Variants in ANKRD31 observed in about 807,000 individuals in gnomAD.
ANKRD31 encodes the protein ankyrin repeat domain 31.
Under a neutral mutation model 186.0 loss-of-function variants are expected in ANKRD31, and 147 were observed. The ratio of observed to expected loss-of-function variants is 0.79; its 90% CI spans 0.69 to 0.91. The LOEUF (loss-of-function observed/expected upper bound fraction) is 0.91, where lower values mean the gene tolerates loss of function less well. Ranked by LOEUF, ANKRD31 falls within the 40% of genes least tolerant of loss-of-function variation. ANKRD31 has a pLI of 0.00. For missense variants in ANKRD31, 1,986 were observed against 2,148.8 expected (o/e 0.92, Z 1.50); for synonymous variants, 673 against 736.4 (o/e 0.91, Z 1.39).
At chr5:75,140,582 C>T (rs1478005777) in intron 15 of ANKRD31, among the ~76,000 whole-genome samples, 1 of 152,174 alleles carries the variant, frequency 6.6e-6, no homozygotes, top group Non-Finnish European at 1.5e-5. Flanking sequence ...GAATAGCTTG[C>T]TTCTAACCAA....
chr5:75,188,561 T>G lies in ANKRD31; in HGVS notation c.1496A>C (p.His499Pro). ...ATGATGAACAAGATCAGCATCATCG[T>G]GTAGAGCAGCCTTATATACTAAGTT... ...GENLVYKAAL[H>P]DDADLVHHCI... Residue 499 changes from histidine to proline, a missense_variant, in exon 10 of 26, where the codon CAC (histidine) becomes CCC (proline). His to Pro is a moderately conservative substitution (Grantham distance 77). Transcript: ENST00000506364. 2.6e-6 allele frequency: 4 copies of G among 1,536,688 alleles called. No individual in the cohort carries two copies. The highest frequency in any genetic ancestry group is 1.2e-5 in the South Asian group (1 of 83,992).
rs1281904948 is a variant in ANKRD31 at position 75,196,185 on chromosome 5, T to C, written c.463A>G (p.Arg155Gly). 6.8e-7 allele frequency: 1 copy of C among 1,478,226 alleles called. No individual in the cohort carries two copies. The highest frequency in any genetic ancestry group is 1.4e-5 in the African/African-American group (1 of 70,782). 91.6% of individuals were successfully genotyped at this position (1,478,226 alleles called of 1,614,324 possible). A position where few individuals can be genotyped will look rare whatever the true frequency, so the allele number is the denominator to read the frequency against. ...AGAAGGCTAACTTCAGGAGAATCTC[T>C]GCCTTCACTTAGTTCCTGTGTATTA... ...PHIEKELSEG[R>G]DSPEVSLLSG... Residue 155 changes from arginine to glycine, a missense_variant, in exon 7 of 26, where the codon AGA becomes GGA. Physicochemically the swap from Arg to Gly is moderately radical, Grantham distance 125. Coordinates refer to ENST00000506364, the MANE Select transcript of ANKRD31 (RefSeq NM_001372053.1).
Position 75,193,605 on chromosome 5 carries a change from A to C in ANKRD31, c.1018-14T>G. On this transcript the variant is annotated splice_polypyrimidine_tract_variant and intron_variant, in intron 7 of 25. Transcript: ENST00000506364. ...GTCTTGCAGAGTCTGCAAATACGTA[A>C]ATACATCCACAAAAAATTACAACAC... 1 of 1,510,808 alleles carries C rather than the reference A, an allele frequency of 6.6e-7. No individual in the cohort carries two copies. The allele number at this position is 1,510,808 out of a possible 1,614,324, so 93.6% of individuals were successfully genotyped here.
Position 75,068,352 on chromosome 5 carries a change from A to G in ANKRD31, c.*167T>C. On this transcript the variant is annotated 3_prime_UTR_variant, in exon 26 of 26. Transcript: ENST00000506364. ...AATGGCAAAAAAGCATTAATCTTAT[A>G]TAATTGTTGAACAGTTACATACATC... is the stretch of plus-strand genomic sequence containing the variant. The G allele has an allele frequency of 1.8e-6, 1 of 561,110 alleles. No homozygotes were observed. Among genetic ancestry groups the G allele is most frequent in the Non-Finnish European group, 2.7e-6 (1 of 369,734 alleles). The allele number at this position is 561,110 out of a possible 1,614,324, so 34.8% of individuals were successfully genotyped here. A position where few individuals can be genotyped will look rare whatever the true frequency, so the allele number is the denominator to read the frequency against.
intron 15 of ANKRD31, among the ~76,000 whole-genome samples, chr5:75,143,292 T>C (rs1229097768): frequency 1.3e-5 from 2 of 152,266 alleles, no homozygotes; most frequent in Admixed American, 6.5e-5. Context: ...AAGAAGGTAA[T>C]AGGCATGCTT....
At position 75,072,662 on chromosome 5, in the gene ANKRD31, G is replaced by C. The variant is rs575998581; in HGVS notation, c.5648-3998C>G. ...ACTTTTGAACTCTAAGAAGTAGATGGGATATTTCTGCAAAGACCACTAAGT... is the reference window on the plus strand; with the variant it reads ...ACTTTTGAACTCTAAGAAGTAGATGCGATATTTCTGCAAAGACCACTAAGT... On this transcript the variant is annotated intron_variant, in intron 25 of 25. Coordinates refer to ENST00000506364, the MANE Select transcript of ANKRD31 (RefSeq NM_001372053.1). Among the ~76,000 whole-genome samples the C allele has an allele frequency of 5.3e-5, 8 of 152,230 alleles. No homozygotes were observed. The East Asian group carries it at 1.5e-3, about 29-fold the overall frequency.
intron 17 of ANKRD31, among the ~76,000 whole-genome samples, chr5:75,128,482 T>C (rs1749442654): frequency 6.6e-6 from 1 of 151,408 alleles, no homozygotes; most frequent in Non-Finnish European, 1.5e-5. Context: ...TTGATCATTA[T>C]TTAAGTGGTT....
chr5:75,121,984 A>C (rs1416981569), intron 17 of ANKRD31, among the ~76,000 whole-genome samples: 2 of 152,130 alleles, frequency 1.3e-5, no homozygotes, highest in East Asian at 3.9e-4. Flanking sequence ...TGATATGGAG[A>C]CCAAACCAAA....
At chr5:75,070,393 G>A (rs1744129438) in intron 25 of ANKRD31, among the ~76,000 whole-genome samples, 1 of 152,086 alleles carries the variant, frequency 6.6e-6, no homozygotes, top group Admixed American at 6.6e-5. Flanking sequence ...AAAACTTAAT[G>A]CATCTACCAT....
chr5:75,215,404 T>C (rs1470441678), intron 3 of ANKRD31, among the ~76,000 whole-genome samples: 1 of 152,188 alleles, frequency 6.6e-6, no homozygotes, highest in Non-Finnish European at 1.5e-5. Flanking sequence ...TGAACCATCA[T>C]GCCCCCCTAA....
chr5:75,114,630 C>A lies in ANKRD31; in HGVS notation c.4155+1936G>T, dbSNP rs538347826. ...CACCAACAACAGACAAACAGAGAGC[C>A]AAATCATGAGTGAACTCCCATTCAC... On this transcript the variant is annotated intron_variant, in intron 19 of 25. Transcript: ENST00000506364. 8.5e-5 allele frequency among the ~76,000 whole-genome samples: 13 copies of A among 152,092 alleles called. No individual in the cohort carries two copies. The East Asian group carries it at 2.5e-3, about 29-fold the overall frequency.
intron 5 of ANKRD31, among the ~76,000 whole-genome samples, chr5:75,205,731 C>A (rs1756135690): frequency 6.6e-6 from 1 of 152,004 alleles, no homozygotes; most frequent in South Asian, 2.1e-4. Flanking sequence ...TCCTTGTATC[C>A]TTTTCTTATA....
At position 75,145,981 on chromosome 5, in the gene ANKRD31, T is replaced by C; in HGVS notation, c.3424+6A>G. ...ATATGTACAGATTAAGCAATATTAC[T>C]AATACCTGGTTTGTGAGAAATTTCC... On this transcript the variant is annotated splice_donor_region_variant and intron_variant, in intron 14 of 25. Coordinates refer to ENST00000506364, the MANE Select transcript of ANKRD31 (RefSeq NM_001372053.1). 6.9e-7 allele frequency: 1 copy of C among 1,458,028 alleles called. No homozygotes were observed. The highest frequency in any genetic ancestry group is 9.0e-7 in the Non-Finnish European group (1 of 1,109,048). The allele number at this position is 1,458,028 out of a possible 1,614,324, so 90.3% of individuals were successfully genotyped here. A position where few individuals can be genotyped will look rare whatever the true frequency, so the allele number is the denominator to read the frequency against.
At chr5:75,102,188 T>G (rs1198106948) in intron 22 of ANKRD31, among the ~76,000 whole-genome samples, 2 of 152,218 alleles carry the variant, frequency 1.3e-5, no homozygotes, top group African/African-American at 2.4e-5. Flanking sequence ...GGGAGTTTGC[T>G]GCAGGTCCAC....
In ANKRD31 at chr5:75,104,391, T is replaced by C. The variant is rs1159829659; in HGVS notation, c.5168A>G (p.Asp1723Gly). Residue 1723 changes from aspartate to glycine, a missense_variant, in exon 22 of 26, where the codon GAT becomes GGT. By Grantham distance (94) the Asp-to-Gly change is moderately conservative. Transcript: ENST00000506364. ...AGAGGAAGAGGAGATCTGACTGTCA[T>C]CTGCACATGGAACAACAGAAACTGA... is the stretch of plus-strand genomic sequence containing the variant. ...KKSVSVVPCA[D>G]DSQISSSSGS... 2.6e-6 allele frequency: 4 copies of C among 1,537,098 alleles called. No homozygotes were observed. Among genetic ancestry groups the C allele is most frequent in the Middle Eastern group, 1.7e-4 (1 of 6,010 alleles).
chr5:75,145,178 A>G lies in ANKRD31; in HGVS notation c.3424+809T>C, dbSNP rs181085640. 7.6e-4 allele frequency among the ~76,000 whole-genome samples: 116 copies of G among 152,226 alleles called. 1 individual carries two copies. Among genetic ancestry groups the G allele is most frequent in the African/African-American group, 2.6e-3 (110 of 41,554 alleles). On this transcript the variant is annotated intron_variant, in intron 14 of 25. Transcript: ENST00000506364. Reference sequence around the variant, plus strand: ...GTTCAACCATTATGGAAGACAGTACAGTGATTCCTCAAGGATCTAGAACCA... The same window carrying G: ...GTTCAACCATTATGGAAGACAGTACGGTGATTCCTCAAGGATCTAGAACCA...
chr5:75,140,305 G>GGAAGGAA (rs1396625674), intron 15 of ANKRD31, among the ~76,000 whole-genome samples: 1 of 129,112 alleles, frequency 7.7e-6, no homozygotes, highest in Admixed American at 7.1e-5. Context: ...AAGGAAGGAA[G>GGAAGGAA]GAAGGAAGGA....
chr5:75,165,579 G>A (rs1345018429), intron 11 of ANKRD31, among the ~76,000 whole-genome samples: 7 of 151,994 alleles, frequency 4.6e-5, no homozygotes, highest in Admixed American at 1.3e-4. Context: ...CACTGAAAAC[G>A]CCTAAAAGCA....
At chr5:75,231,103 G>GTC (rs966502946) in intron 1 of ANKRD31, among the ~76,000 whole-genome samples, 1 of 152,014 alleles carries the variant, frequency 6.6e-6, no homozygotes, top group Non-Finnish European at 1.5e-5. Flanking sequence ...TTGAGACACA[G>GTC]TCTCTCTCTG....
Sources: gnomAD v4.1 joint callset for allele counts (sites outside exome capture counted in the v4.1 genomes callset) on GRCh38, gnomAD v4.1.1 for gene constraint, MANE v1.5 for transcripts, NCBI Gene and HGNC (gene_info 2026-07-23, HGNC 2026-07-21) for gene names.